SLC9A2: variants seen among roughly 807,000 people sequenced by gnomAD.
SLC9A2 encodes the protein sodium/hydrogen exchanger 2.
In SLC9A2, 42 loss-of-function variants were observed where a neutral mutation model predicts 71.7. That is an observed-to-expected ratio of 0.59 (90% CI 0.46 to 0.76). The LOEUF is 0.76. Among genes scored for constraint, SLC9A2 ranks in the 30% least tolerant of loss-of-function variants. The probability of loss-of-function intolerance (pLI) is 0.00; values close to 1 mark genes in which losing one functional copy is unlikely to be tolerated. For missense variants in SLC9A2, 829 were observed against 1,017.4 expected (o/e 0.81, Z 2.52); for synonymous variants, 396 against 392.5 (o/e 1.01, Z -0.10).
chr2:102,646,033 A>T (rs1198740908), intron 1 of SLC9A2, among the ~76,000 whole-genome samples: 2 of 152,320 alleles, frequency 1.3e-5, no homozygotes, highest in Admixed American at 1.3e-4. Context: ...GAAAGAAAAA[A>T]TATTAAGGGC....
chr2:102,667,131 T>C (rs1480294581), intron 3 of SLC9A2, among the ~76,000 whole-genome samples: 2 of 152,232 alleles, frequency 1.3e-5, no homozygotes, highest in Non-Finnish European at 2.9e-5. Flanking sequence ...CAGAGAAACC[T>C]AAATAAAGCA....
rs201347551 is a variant in SLC9A2 at position 102,646,768 on chromosome 2, AATAT to A, written c.290-10777_290-10774del. On this transcript the variant is annotated intron_variant, in intron 1 of 11. Transcript: ENST00000233969. ...GCAGCAAGAAGAGCTAACGATCCTA[AATAT>A]ATATATATATATATATATCTCCAAT... 1.7e-3 allele frequency among the ~76,000 whole-genome samples: 227 copies of A among 132,958 alleles called. 8 individuals carry two copies. Among genetic ancestry groups the A allele is most frequent in the African/African-American group, 6.1e-3 (195 of 32,162 alleles). 87.2% of individuals were successfully genotyped at this position (132,958 alleles called of 152,430 possible).
intron 5 of SLC9A2, among the ~76,000 whole-genome samples, chr2:102,692,856 G>A (rs941515972): frequency 6.6e-6 from 1 of 152,034 alleles, no homozygotes; most frequent in African/African-American, 2.4e-5. Context: ...ATCTCAAAAT[G>A]TCCTTAATCT....
At chr2:102,680,084 T>G (rs185363860) in intron 3 of SLC9A2, among the ~76,000 whole-genome samples, 122 of 152,332 alleles carry the variant, frequency 8.0e-4, no homozygotes, top group Non-Finnish European at 1.4e-3. Context: ...AAGTATCTTT[T>G]GTATAGGATT....
intron 1 of SLC9A2, among the ~76,000 whole-genome samples, chr2:102,642,629 G>T (rs1408413643): frequency 6.6e-6 from 1 of 151,946 alleles, no homozygotes; most frequent in Non-Finnish European, 1.5e-5. Context: ...TTTTCTTTTT[G>T]GTACTGCTCT....
chr2:102,700,869 A>T (rs922759121), intron 7 of SLC9A2, among the ~76,000 whole-genome samples: 4 of 152,080 alleles, frequency 2.6e-5, no homozygotes, highest in Admixed American at 2.0e-4. Context: ...ATACATACGC[A>T]TACACATATA....
chr2:102,656,627 G>C (rs906735451), intron 1 of SLC9A2, among the ~76,000 whole-genome samples: 4 of 152,180 alleles, frequency 2.6e-5, no homozygotes, highest in Non-Finnish European at 4.4e-5. Context: ...AGGAGCAAAC[G>C]TCTCAAATAT....
At chr2:102,645,591 T>C (rs1013180044) in intron 1 of SLC9A2, among the ~76,000 whole-genome samples, 18 of 150,132 alleles carry the variant, frequency 1.2e-4, no homozygotes, top group African/African-American at 4.1e-4. Flanking sequence ...GAATAACCAG[T>C]TTAAAGAAGA....
chr2:102,668,718 G>T (rs1397034204), intron 3 of SLC9A2, among the ~76,000 whole-genome samples: 1 of 152,162 alleles, frequency 6.6e-6, no homozygotes, highest in Non-Finnish European at 1.5e-5. Flanking sequence ...GGGGAGAGAG[G>T]TTAAACTGCT....
At chr2:102,647,624 G>T (rs112567684) in intron 1 of SLC9A2, among the ~76,000 whole-genome samples, 192 of 150,628 alleles carry the variant, frequency 1.3e-3, no homozygotes, top group African/African-American at 4.5e-3. Flanking sequence ...AAAGAGAGAA[G>T]AATCAAATAG....
At chr2:102,690,209 G>T (rs1426898436) in intron 5 of SLC9A2, among the ~76,000 whole-genome samples, 1 of 152,154 alleles carries the variant, frequency 6.6e-6, no homozygotes, top group Non-Finnish European at 1.5e-5. Context: ...ATCAGAAGGG[G>T]TTACACAGGA....
intron 3 of SLC9A2, among the ~76,000 whole-genome samples, chr2:102,679,092 G>A (rs1279605916): frequency 6.6e-6 from 1 of 152,132 alleles, no homozygotes; most frequent in Admixed American, 6.5e-5. Context: ...CTTTAGGAAT[G>A]TTTCCTCCAG....
At chr2:102,696,706 T>C (rs1451548895) in intron 7 of SLC9A2, among the ~76,000 whole-genome samples, 1 of 152,228 alleles carries the variant, frequency 6.6e-6, no homozygotes, top group African/African-American at 2.4e-5. Flanking sequence ...CACTGTTTAC[T>C]ACTGTAGACA....
intron 1 of SLC9A2, among the ~76,000 whole-genome samples, chr2:102,635,143 C>T (rs1048303798): frequency 3.9e-5 from 6 of 152,238 alleles, no homozygotes; most frequent in African/African-American, 7.2e-5. Context: ...TGTCAACCCA[C>T]GCTTTTCATC....
At chr2:102,692,155 C>T (rs1452837628) in intron 5 of SLC9A2, among the ~76,000 whole-genome samples, 1 of 152,144 alleles carries the variant, frequency 6.6e-6, no homozygotes, top group Non-Finnish European at 1.5e-5. Context: ...TGGAAAACTG[C>T]TATTACCTTT....
intron 3 of SLC9A2, among the ~76,000 whole-genome samples, chr2:102,673,872 C>T (rs1181683038): frequency 6.6e-6 from 1 of 151,786 alleles, no homozygotes; most frequent in Non-Finnish European, 1.5e-5. Context: ...CTGCAAGCTC[C>T]GCCTCCTGGG....
At chr2:102,680,350 T>G (rs1252032223) in intron 3 of SLC9A2, among the ~76,000 whole-genome samples, 1 of 152,122 alleles carries the variant, frequency 6.6e-6, no homozygotes, top group African/African-American at 2.4e-5. Context: ...AAACAAAAAT[T>G]AAGCCAAAAT....
chr2:102,708,586 C>G lies in SLC9A2; in HGVS notation c.*97C>G, dbSNP rs542188014. On this transcript the variant is annotated 3_prime_UTR_variant, in exon 12 of 12. Coordinates refer to ENST00000233969, the MANE Select transcript of SLC9A2 (RefSeq NM_003048.6). ...AACAGTGGAATCCATGTAAAACTCT[C>G]TGTGCATCTAAATACTTCTGGAGGG... 9.9e-5 allele frequency: 138 copies of G among 1,391,712 alleles called. 1 individual carries two copies. The highest frequency in any genetic ancestry group is 1.3e-4 in the Non-Finnish European group (133 of 1,020,836). The allele number at this position is 1,391,712 out of a possible 1,614,324, so 86.2% of individuals were successfully genotyped here.
At chr2:102,675,349 G>C (rs1431200143) in intron 3 of SLC9A2, among the ~76,000 whole-genome samples, 1 of 152,196 alleles carries the variant, frequency 6.6e-6, no homozygotes, top group Non-Finnish European at 1.5e-5. Flanking sequence ...CCTGTTGTGT[G>C]CTATAGGCAG....
Sources: gnomAD v4.1 joint callset for allele counts (sites outside exome capture counted in the v4.1 genomes callset) on GRCh38, gnomAD v4.1.1 for gene constraint, MANE v1.5 for transcripts, NCBI Gene and HGNC (gene_info 2026-07-23, HGNC 2026-07-21) for gene names.